ZNF732: variants seen among roughly 807,000 people sequenced by gnomAD.
ZNF732 encodes the protein zinc finger protein 732.
Under a neutral mutation model 11.5 loss-of-function variants are expected in ZNF732, and 12 were observed. The observed-to-expected ratio is 1.05, with a 90% CI of 0.67 to 1.70. The LOEUF (loss-of-function observed/expected upper bound fraction) is 1.70. Ranked by LOEUF, ZNF732 falls within the 40% of genes most tolerant of loss-of-function variation. The probability of loss-of-function intolerance (pLI) is 0.00; values close to 1 mark genes in which losing one functional copy is unlikely to be tolerated. For synonymous variants in ZNF732, 231 were observed against 236.5 expected (o/e 0.98, Z 0.21); for missense variants, 702 against 676.9 (o/e 1.04, Z -0.41).
intron 1 of ZNF732, among the ~76,000 whole-genome samples, chr4:303,611 G>T (rs545797551): frequency 6.6e-6 from 1 of 152,138 alleles, no homozygotes; most frequent in Non-Finnish European, 1.5e-5. Flanking sequence ...GTGAGACTCC[G>T]GCTCAAGAAA....
intron 1 of ZNF732, among the ~76,000 whole-genome samples, chr4:297,692 T>G (rs1719983225): frequency 1.3e-5 from 2 of 151,946 alleles, no homozygotes; most frequent in Non-Finnish European, 1.5e-5. Flanking sequence ...GGTTTTAATT[T>G]TATAAAAAAG....
chr4:292,532 G>C (rs1407369257), intron 3 of ZNF732, among the ~76,000 whole-genome samples: 1 of 143,566 alleles, frequency 7.0e-6, no homozygotes, highest in African/African-American at 2.6e-5. Context: ...ACTCCAGCCT[G>C]AGCAACAAGA....
chr4:280,443 T>C (rs1281592055), intron 3 of ZNF732, among the ~76,000 whole-genome samples: 1 of 151,892 alleles, frequency 6.6e-6, no homozygotes, highest in African/African-American at 2.4e-5. Context: ...TAGCCGGGTG[T>C]GGTGGCTGGC....
At chr4:286,262 C>T (rs945180911) in intron 3 of ZNF732, among the ~76,000 whole-genome samples, 2 of 152,090 alleles carry the variant, frequency 1.3e-5, no homozygotes, top group Admixed American at 6.5e-5. Flanking sequence ...AATTATGAAG[C>T]TATAGTTATT....
chr4:271,843 T>C lies in ZNF732; in HGVS notation c.1014A>G (p.Glu338=). The change falls in exon 4 of 4, where the codon GAA becomes GAG. Residue 338 remains glutamate (E), a synonymous_variant. Coordinates refer to ENST00000419098, the MANE Select transcript of ZNF732 (RefSeq NM_001137608.3). ...AGGACCTACTAAAGGCTTTGCCACA[T>C]TCTTCACATGTGTAGGGTTTCTCTC... The part of the protein sequence containing the change: ...HTGEKPYTCE[E]CGKAFSRSSV... 7 of 1,613,382 alleles carry C rather than the reference T, an allele frequency of 4.3e-6. 1 individual carries two copies. The South Asian group carries it at 7.7e-5, about 18-fold the overall frequency.
chr4:287,148 C>T (rs952050097), intron 3 of ZNF732, among the ~76,000 whole-genome samples: 12 of 151,852 alleles, frequency 7.9e-5, no homozygotes, highest in Admixed American at 6.6e-4. Flanking sequence ...AAGACTCCGT[C>T]GCAAAACAAA....
rs1553842254 is a variant in ZNF732 at position 296,134 on chromosome 4, C to T, written c.25G>A (p.Val9Met). 6.2e-7 allele frequency: 1 copy of T among 1,612,568 alleles called. No homozygotes were observed. Among genetic ancestry groups the T allele is most frequent in the East Asian group, 2.2e-5 (1 of 44,860 alleles). MELLTFRD[V>M]AIEFSPEEWK... ...TCTTCTGGAGAGAATTCTATGGCCA[C>T]ATCCCTGAATGTTAAGAGTTCCTGA... Residue 9 changes from valine to methionine, a missense_variant, in exon 2 of 4, where the codon GTG becomes ATG. By Grantham distance (21) the Val-to-Met change is conservative. This residue lies in a region of ZNF732 where 596 missense variants were observed against 557.9 expected (regional missense o/e 1.07). Coordinates refer to ENST00000419098, the MANE Select transcript of ZNF732 (RefSeq NM_001137608.3).
chr4:296,144 T>A lies in ZNF732; in HGVS notation c.15A>T (p.Thr5=). The change falls in exon 2 of 4, where the codon ACA becomes ACT. Residue 5 remains threonine (T), a synonymous_variant. Transcript: ENST00000419098. The part of the protein sequence containing the change: MELL[T]FRDVAIEFSP... ...AGAATTCTATGGCCACATCCCTGAA[T>A]GTTAAGAGTTCCTGAAAATATATAT... is the stretch of plus-strand genomic sequence containing the variant. 1 of 1,611,052 alleles carries A rather than the reference T, an allele frequency of 6.2e-7. No individual in the cohort carries two copies. Among genetic ancestry groups the A allele is most frequent in the Non-Finnish European group, 8.5e-7 (1 of 1,179,346 alleles).
chr4:304,055 A>G (rs1282533405), intron 1 of ZNF732, among the ~76,000 whole-genome samples: 1 of 152,156 alleles, frequency 6.6e-6, no homozygotes, highest in East Asian at 1.9e-4. Context: ...TTCCTGCTAT[A>G]GATCCAGTGT....
At chr4:274,389 A>G (rs1265141020) in intron 3 of ZNF732, among the ~76,000 whole-genome samples, 4 of 151,416 alleles carry the variant, frequency 2.6e-5, no homozygotes, top group African/African-American at 9.7e-5. Context: ...CTGTATAGAT[A>G]CACCAAAAAA....
At chr4:293,352 C>G (rs59163505) in intron 3 of ZNF732, among the ~76,000 whole-genome samples, 8,339 of 147,608 alleles carry the variant, frequency 0.056, 377 homozygotes, top group African/African-American at 0.12. Context: ...ACTATTCAGC[C>G]ATAAAAGAAA....
Position 271,730 on chromosome 4 carries a change from G to A in ZNF732, c.1127C>T (p.Thr376Ile). 2 of 1,609,586 alleles carry A rather than the reference G, an allele frequency of 1.2e-6. No individual in the cohort carries two copies. Among genetic ancestry groups the A allele is most frequent in the Non-Finnish European group, 1.7e-6 (2 of 1,177,904 alleles). Residue 376 changes from threonine to isoleucine, a missense_variant, in exon 4 of 4, where the codon ACC becomes ATC. Thr to Ile is a moderately conservative substitution (Grantham distance 89). This residue lies in a region of ZNF732 where 596 missense variants were observed against 557.9 expected (regional missense o/e 1.07). Transcript: ENST00000419098. ...ATGAATACTCTTATGTTTATTAAGG[G>A]TTGCGGATTGTCTAAAGGCTTTGCC... ...QCGKAFRQSA[T>I]LNKHKSIHTG... is the part of the protein sequence containing the mutation.
At position 295,423 on chromosome 4, in the gene ZNF732, T is replaced by G. The variant is rs1553842093; in HGVS notation, c.226+15A>C. The G allele has an allele frequency of 6.3e-7, 1 of 1,593,472 alleles. No individual in the cohort carries two copies. The highest frequency in any genetic ancestry group is 1.1e-5 in the South Asian group (1 of 88,318). ...CCCCTGGCCTGTGTCCTCTCCTTCA[T>G]TCACTGTCACCTACCTGGGTGTTTG... On this transcript the variant is annotated intron_variant, in intron 3 of 3. Coordinates refer to ENST00000419098, the MANE Select transcript of ZNF732 (RefSeq NM_001137608.3).
At chr4:289,249 G>A (rs1338670402) in intron 3 of ZNF732, among the ~76,000 whole-genome samples, 14 of 152,234 alleles carry the variant, frequency 9.2e-5, no homozygotes, top group African/African-American at 3.4e-4. Flanking sequence ...TGGGTAGTAG[G>A]AAGAAGGAAT....
chr4:292,890 C>CAAAAAAAAAAAAAAAAAAAAAAA (rs34118991), intron 3 of ZNF732, among the ~76,000 whole-genome samples: 1 of 79,410 alleles, frequency 1.3e-5, no homozygotes, highest in Non-Finnish European at 2.6e-5. Context: ...ACTAAAAACA[C>CAAAAAAAAAAAAAAAAAAAAAAA]AAAAAAAAAA....
intron 3 of ZNF732, among the ~76,000 whole-genome samples, chr4:283,308 ATAAAC>A (rs1719654002): frequency 6.6e-6 from 1 of 152,220 alleles, no homozygotes; most frequent in South Asian, 2.1e-4. Context: ...GATGCAAAAA[ATAAAC>A]TAAAACACTC....
intron 3 of ZNF732, among the ~76,000 whole-genome samples, chr4:294,152 C>A (rs540713800): frequency 2.6e-5 from 4 of 152,296 alleles, no homozygotes; most frequent in Admixed American, 6.5e-5. Flanking sequence ...AGGCGCCCCC[C>A]ACCATGCCCA....
Position 271,915 on chromosome 4 carries a change from G to C in ZNF732, c.942C>G (p.Val314=). Residue 314 remains valine (V), a synonymous_variant, in exon 4 of 4, where the codon GTC becomes GTG. Coordinates refer to ENST00000419098, the MANE Select transcript of ZNF732 (RefSeq NM_001137608.3). ...KLYKCQECGK[V]FNRSTTLTKH... ...TAGTAAGGGTTGTGGACCTATTAAA[G>C]ACTTTGCCACATTCCTGACATTTGT... The C allele has an allele frequency of 6.2e-7, 1 of 1,611,432 alleles. No homozygotes were observed. The highest frequency in any genetic ancestry group is 8.5e-7 in the Non-Finnish European group (1 of 1,178,738).
At chr4:288,811 T>G (rs1477642143) in intron 3 of ZNF732, among the ~76,000 whole-genome samples, 1 of 152,158 alleles carries the variant, frequency 6.6e-6, no homozygotes, top group South Asian at 2.1e-4. Flanking sequence ...CCCAGCACTT[T>G]GGGAGGCGGA....
Sources: gnomAD v4.1 joint callset for allele counts (sites outside exome capture counted in the v4.1 genomes callset) on GRCh38, gnomAD v4.1.1 for gene constraint, gnomAD v4.1.1 regional missense constraint, MANE v1.5 for transcripts, NCBI Gene and HGNC (gene_info 2026-07-23, HGNC 2026-07-21) for gene names.